The following DCAF6 variants were observed in gnomAD, a reference collection of about 807,000 sequenced individuals.
DCAF6 encodes DDB1 and CUL4 associated factor 6, also known as DDB1- and CUL4-associated factor 6.
Under a neutral mutation model 125.1 loss-of-function variants are expected in DCAF6, and 54 were observed. The observed-to-expected ratio is 0.43, with a 90% CI of 0.35 to 0.54. The LOEUF (loss-of-function observed/expected upper bound fraction) is 0.54. Ranked by LOEUF, DCAF6 falls within the 20% of genes least tolerant of loss-of-function variation. The pLI, the probability that DCAF6 is intolerant of heterozygous loss-of-function variation, is 0.01. For synonymous variants in DCAF6, 371 were observed against 390.4 expected, an observed-to-expected ratio of 0.95 and a Z score of 0.58; for missense variants, 934 against 1,161.7, an observed-to-expected ratio of 0.80 and a Z score of 2.85.
chr1:167,923,618 T>C, the DCAF6 span, among the ~76,000 whole-genome samples: 6 of 152,038 alleles, frequency 3.9e-5, no homozygotes, highest in African/African-American at 1.4e-4. Flanking sequence ...TGGTTAACAA[T>C]GATGTAAATG....
At chr1:167,964,475 T>G (rs1676092195) in intron 2 of DCAF6, among the ~76,000 whole-genome samples, 2 of 152,212 alleles carry the variant, frequency 1.3e-5, no homozygotes, top group Non-Finnish European at 2.9e-5. Context: ...TCAGGATTTT[T>G]TCTTATCTTT....
At chr1:167,982,279 A>G (rs944815255) in intron 4 of DCAF6, among the ~76,000 whole-genome samples, 4 of 151,728 alleles carry the variant, frequency 2.6e-5, no homozygotes, top group African/African-American at 7.3e-5. Context: ...GTCTCGCTTC[A>G]TCGCCAGGCT....
At chr1:167,887,906 G>A in the DCAF6 span, among the ~76,000 whole-genome samples, 1 of 151,970 alleles carries the variant, frequency 6.6e-6, no homozygotes, top group Non-Finnish European at 1.5e-5. Flanking sequence ...ATGTTTTCTT[G>A]TAGTAGTTTC....
At chr1:168,049,022 AT>A (rs1689488753) in intron 16 of DCAF6, among the ~76,000 whole-genome samples, 1 of 152,220 alleles carries the variant, frequency 6.6e-6, no homozygotes. Flanking sequence ...ATCTCCACAT[AT>A]TTGGGTTCCC....
At chr1:167,925,556 T>G in the DCAF6 span, among the ~76,000 whole-genome samples, 3 of 144,416 alleles carry the variant, frequency 2.1e-5, no homozygotes, top group South Asian at 2.2e-4. Context: ...GTTTTTTTTG[T>G]TTTTTTTTGA....
intron 1 of DCAF6, among the ~76,000 whole-genome samples, chr1:167,939,906 A>G (rs1671971319): frequency 6.6e-6 from 1 of 152,234 alleles, no homozygotes; most frequent in Non-Finnish European, 1.5e-5. Flanking sequence ...TTGTCTATCT[A>G]CAGGGTTGTA....
At chr1:168,044,545 A>G in intron 14 of DCAF6, 40 bp from the exon 15 acceptor site, 1 of 1,454,976 alleles carries the variant, frequency 6.9e-7, no homozygotes, top group Non-Finnish European at 9.6e-7. Flanking sequence ...CTAATCCCTC[A>G]TGGATACCAA....
chr1:167,961,403 C>T (rs1034184586), intron 2 of DCAF6, among the ~76,000 whole-genome samples: 7 of 152,024 alleles, frequency 4.6e-5, no homozygotes, highest in Non-Finnish European at 8.8e-5. Flanking sequence ...CCACCACACC[C>T]GGCTAATTTT....
At chr1:167,934,836 C>T (rs1209153464), upstream of DCAF6, among the ~76,000 whole-genome samples, 1 of 152,072 alleles carries the variant, frequency 6.6e-6, no homozygotes, top group Non-Finnish European at 1.5e-5. Flanking sequence ...CTGATGTTAG[C>T]CCCTAGCAAA....
the DCAF6 span, among the ~76,000 whole-genome samples, chr1:167,895,601 G>A: frequency 8.5e-5 from 13 of 152,250 alleles, no homozygotes; most frequent in South Asian, 2.7e-3. Context: ...AGTGGAAGTC[G>A]CCCATAGGTA....
the DCAF6 span, chr1:167,905,222 GA>G: frequency 2.8e-6 from 4 of 1,453,536 alleles, no homozygotes; most frequent in Admixed American, 5.0e-5. Flanking sequence ...TGAAATAGAG[GA>G]AATCTGATAT....
At position 168,066,360 on chromosome 1, in the gene DCAF6, A is replaced by T. The variant is rs369105952; in HGVS notation, c.2597-17A>T. On this transcript the variant is annotated splice_polypyrimidine_tract_variant and intron_variant, in intron 19 of 21. Transcript: ENST00000367840. ...ATGTTTCTAGGCTTCATATTAATAT[A>T]TAAATTTTATTTCTAGTTTTAGCCT... 1.0e-4 allele frequency: 158 copies of T among 1,517,446 alleles called. 1 individual carries two copies. The African/African-American group carries it at 1.9e-3, about 19-fold the overall frequency. 94.0% of individuals were successfully genotyped at this position (1,517,446 alleles called of 1,614,324 possible). A position where few individuals can be genotyped will look rare whatever the true frequency, so the allele number is the denominator to read the frequency against.
upstream of DCAF6, chr1:167,936,222 G>A (rs1010738721): frequency 2.9e-5 from 7 of 244,970 alleles, no homozygotes; most frequent in East Asian, 8.3e-4. Flanking sequence ...GGGCGGGGTC[G>A]AGCGGAAACC....
intron 3 of DCAF6, among the ~76,000 whole-genome samples, chr1:167,972,875 A>AT (rs1677549615): frequency 6.6e-6 from 1 of 152,174 alleles, no homozygotes; most frequent in Non-Finnish European, 1.5e-5. Flanking sequence ...TAATTAGTTT[A>AT]TTTAATAAGG....
intron 4 of DCAF6, among the ~76,000 whole-genome samples, chr1:167,982,717 G>C (rs1679379457): frequency 6.6e-6 from 1 of 152,104 alleles, no homozygotes; most frequent in Non-Finnish European, 1.5e-5. Context: ...TGAGGACTTA[G>C]TCATAATTTC....
At chr1:167,936,665 A>C (rs746939898), upstream of DCAF6, 4 of 435,856 alleles carry the variant, frequency 9.2e-6, no homozygotes. Context: ...CTGAGGGAGG[A>C]GACTGTTGCT....
chr1:167,874,355 T>A, the DCAF6 span, among the ~76,000 whole-genome samples: 1 of 151,432 alleles, frequency 6.6e-6, no homozygotes, highest in Non-Finnish European at 1.5e-5. Context: ...AATAAATAAA[T>A]CCAAATGGCC....
intron 1 of DCAF6, among the ~76,000 whole-genome samples, chr1:167,940,799 A>G (rs1164602859): frequency 6.6e-6 from 1 of 150,470 alleles, no homozygotes; most frequent in Non-Finnish European, 1.5e-5. Context: ...AAAAGATAGT[A>G]ATTGATAAAA....
At chr1:167,983,353 G>T (rs1250186093) in intron 4 of DCAF6, among the ~76,000 whole-genome samples, 2 of 152,158 alleles carry the variant, frequency 1.3e-5, no homozygotes, top group Non-Finnish European at 2.9e-5. Flanking sequence ...TGTTTGTTTA[G>T]TGATTTTCCT....
Sources: gnomAD v4.1 joint callset for allele counts (sites outside exome capture counted in the v4.1 genomes callset) on GRCh38, gnomAD v4.1.1 for gene constraint, MANE v1.5 for transcripts, NCBI Gene and HGNC (gene_info 2026-07-23, HGNC 2026-07-21) for gene names.